The following NRG1 variants were observed in gnomAD, a reference collection of about 807,000 sequenced individuals.
NRG1 encodes pro-neuregulin-1, membrane-bound isoform.
Under a neutral mutation model 63.8 loss-of-function variants are expected in NRG1, and 18 were observed. The ratio of observed to expected loss-of-function variants is 0.28; its 90% confidence interval spans 0.19 to 0.42. NRG1 has a LOEUF of 0.42. NRG1 is among the 10% of genes least tolerant of loss of function. NRG1 has a pLI of 1.00. For synonymous variants in NRG1, 302 were observed against 301.3 expected (o/e 1.00, Z -0.02); for missense variants, 762 against 814.7 (o/e 0.94, Z 0.79).
intron 9 of NRG1, 102 bp from the exon 10 acceptor site, chr8:32,759,204 T>A: frequency 7.8e-7 from 1 of 1,280,194 alleles, no homozygotes; most frequent in Non-Finnish European, 1.1e-6. Context: ...TAGATTTGTG[T>A]GTTTCTGACA....
At chr8:31,861,682 G>A (rs1488109004) in intron 1 of NRG1, among the ~76,000 whole-genome samples, 1 of 152,110 alleles carries the variant, frequency 6.6e-6, no homozygotes, top group Non-Finnish European at 1.5e-5. Context: ...CATAAAATGA[G>A]GACTTTGAGA....
At chr8:32,521,920 G>A (rs1356828110) in intron 1 of NRG1, among the ~76,000 whole-genome samples, 2 of 152,060 alleles carry the variant, frequency 1.3e-5, no homozygotes, top group East Asian at 1.9e-4. Context: ...GTAAATATGA[G>A]AGCTCTTAAT....
rs1395606838 is a variant in NRG1 at position 31,914,777 on chromosome 8, C to A, written c.37+275346C>A. ...TCAGGATTTTCTTGGTGTATGTTAC[C>A]TTTTTAGTGAAGGACCAGTGTCTCA... On this transcript the variant is annotated intron_variant, in intron 1 of 10. Transcript: ENST00000519301. 5.3e-5 allele frequency among the ~76,000 whole-genome samples: 8 copies of A among 151,558 alleles called. 1 individual carries two copies. The highest frequency in any genetic ancestry group is 1.2e-4 in the Non-Finnish European group (8 of 67,884).
chr8:32,594,221 G>GGAGTCTT (rs1464666306), intron 1 of NRG1, among the ~76,000 whole-genome samples: 1 of 152,110 alleles, frequency 6.6e-6, no homozygotes, highest in Admixed American at 6.6e-5. Flanking sequence ...TACTGTCCTT[G>GGAGTCTT]GAGTCTTGAG....
chr8:32,299,332 G>A (rs2129474986), intron 1 of NRG1, among the ~76,000 whole-genome samples: 1 of 152,224 alleles, frequency 6.6e-6, no homozygotes, highest in Middle Eastern at 3.4e-3. Context: ...CAGTGCCGAG[G>A]ACTAAAGATA....
intron 5 of NRG1, among the ~76,000 whole-genome samples, chr8:32,702,237 ACT>A (rs1200769549): frequency 6.6e-6 from 1 of 152,190 alleles, no homozygotes; most frequent in East Asian, 1.9e-4. Flanking sequence ...CTAAAAAATG[ACT>A]CTAGGACATC....
intron 1 of NRG1, among the ~76,000 whole-genome samples, chr8:31,808,715 C>G (rs1340496044): frequency 6.6e-6 from 1 of 151,966 alleles, no homozygotes; most frequent in Non-Finnish European, 1.5e-5. Flanking sequence ...AATATCTTGT[C>G]TTGAACAGGA....
chr8:32,426,699 T>G, intron 1 of NRG1, among the ~76,000 whole-genome samples: 1 of 152,170 alleles, frequency 6.6e-6, no homozygotes. Flanking sequence ...ATACTGTCTC[T>G]GCAACACACA....
chr8:31,664,026 C>T (rs749529910), intron 1 of NRG1, among the ~76,000 whole-genome samples: 109 of 151,960 alleles, frequency 7.2e-4, no homozygotes, highest in Admixed American at 1.4e-3. Flanking sequence ...CTGGTATTCT[C>T]TGGTTGATAA....
chr8:32,366,858 G>A (rs1412402938), intron 1 of NRG1, among the ~76,000 whole-genome samples: 10 of 151,536 alleles, frequency 6.6e-5, no homozygotes, highest in African/African-American at 2.4e-4. Flanking sequence ...CTACAGTCAT[G>A]TGCCACCATA....
At chr8:32,558,542 A>T (rs1835650874) in intron 1 of NRG1, among the ~76,000 whole-genome samples, 2 of 152,170 alleles carry the variant, frequency 1.3e-5, no homozygotes, top group Non-Finnish European at 2.9e-5. Context: ...ACCATCTAAC[A>T]GGGACCTGCA....
At chr8:32,233,565 T>TA (rs1563934722) in intron 1 of NRG1, among the ~76,000 whole-genome samples, 160 of 19,550 alleles carry the variant, frequency 8.2e-3, no homozygotes, top group South Asian at 0.021. Context: ...ATATATATAT[T>TA]TTTTTTTTTT....
chr8:32,771,810 G>C (rs1831827241), downstream of NRG1, among the ~76,000 whole-genome samples: 1 of 145,172 alleles, frequency 6.9e-6, no homozygotes, highest in Non-Finnish European at 1.5e-5. Flanking sequence ...ATCACCTGAG[G>C]TCAGGAGTTT....
exon 9 of NRG1, chr8:32,756,493 T>A: frequency 6.2e-7 from 1 of 1,613,576 alleles, no homozygotes; most frequent in Non-Finnish European, 8.5e-7. Context: ...GGCCTCACCA[T>A]CCTAACCCAC....
In NRG1 at chr8:32,739,493, A is replaced by C. The variant is rs578228661; in HGVS notation, c.633-3182A>C. ...AAAAAATGACTTTCATACCTCAAGTAGTTCTGGTGTTAGTGCACCCAGTTT... is the reference window on the plus strand; with the variant it reads ...AAAAAATGACTTTCATACCTCAAGTCGTTCTGGTGTTAGTGCACCCAGTTT... On this transcript the variant is annotated intron_variant, in intron 6 of 11. Transcript: ENST00000356819. 1.7e-3 allele frequency among the ~76,000 whole-genome samples: 265 copies of C among 152,344 alleles called. 1 individual carries two copies. The highest frequency in any genetic ancestry group is 6.2e-3 in the African/African-American group (258 of 41,588).
rs1039674576 is a variant in NRG1, at chr8:32,076,864, A to G, written c.37+437433A>G. Among the ~76,000 whole-genome samples, 8 of 152,332 alleles carry G rather than the reference A, an allele frequency of 5.3e-5. No individual in the cohort carries two copies. In the East Asian group the frequency reaches 7.7e-4, roughly 15 times the overall value. On this transcript the variant is annotated intron_variant, in intron 1 of 10. Transcript: ENST00000519301. ...GGGCATCATTTGAATAATGGGCTTT[A>G]TAAAGAACTGCACATATTGGTTACT...
chr8:32,475,881 C>G lies in NRG1; in HGVS notation c.38-119947C>G, dbSNP rs1414590511. On this transcript the variant is annotated intron_variant, in intron 1 of 10. Coordinates refer to the NRG1 transcript ENST00000519301. ...AATAAAAATTATTAATATTGTAGAACATGTATTGATCCTATGTATCAGGCT... is the reference window on the plus strand; with the variant it reads ...AATAAAAATTATTAATATTGTAGAAGATGTATTGATCCTATGTATCAGGCT... Among the ~76,000 whole-genome samples the G allele has an allele frequency of 2.0e-5, 3 of 152,280 alleles. No homozygotes were observed. The East Asian group carries it at 5.8e-4, about 29-fold the overall frequency.
At chr8:32,353,290 A>G (rs1805884448) in intron 1 of NRG1, among the ~76,000 whole-genome samples, 1 of 150,670 alleles carries the variant, frequency 6.6e-6, no homozygotes, top group Non-Finnish European at 1.5e-5. Flanking sequence ...ATTTAAATAA[A>G]ATAATAATAA....
chr8:32,252,507 A>G (rs1227661899), intron 1 of NRG1, among the ~76,000 whole-genome samples: 1 of 152,066 alleles, frequency 6.6e-6, no homozygotes, highest in African/African-American at 2.4e-5. Flanking sequence ...ATAGTTGTAG[A>G]TGTGTGGCAT....
Sources: gnomAD v4.1 joint callset for allele counts (sites outside exome capture counted in the v4.1 genomes callset) on GRCh38, gnomAD v4.1.1 for gene constraint, MANE v1.5 for transcripts, NCBI Gene and HGNC (gene_info 2026-07-23, HGNC 2026-07-21) for gene names.